The following TBL1X variants were observed in gnomAD, a reference collection of about 807,000 sequenced individuals.
The protein encoded by TBL1X is transducin beta like 1 X-linked.
In TBL1X, 10 loss-of-function variants were observed where a neutral mutation model predicts 50.7. The observed-to-expected ratio is 0.20, with a 90% CI of 0.12 to 0.33. TBL1X has a LOEUF of 0.33. Among genes scored for constraint, TBL1X ranks in the 10% least tolerant of loss-of-function variants. The pLI, the probability that TBL1X is intolerant of heterozygous loss-of-function variation, is 1.00. For synonymous variants in TBL1X, 190 were observed against 214.7 expected (o/e 0.88, Z 1.01); for missense variants, 340 against 504.4 (o/e 0.67, Z 3.12).
chrX:9,637,294 A>C (rs2082752453), intron 2 of TBL1X: 1 of 111,961 alleles, frequency 8.9e-6, no homozygotes, highest in African/African-American at 3.2e-5. Context: ...ACTCCACAGG[A>C]ATCTTTCTGA....
intron 12 of TBL1X, among the ~76,000 whole-genome samples, chrX:9,701,202 T>C (rs1281759076): frequency 9.0e-6 from 1 of 111,236 alleles, no homozygotes; most frequent in Admixed American, 9.6e-5. Context: ...AGAACCTGGG[T>C]GAAGGAGACA....
rs56756151 is a variant in TBL1X, at chrX:9,665,489, C to CTA, written c.211+11216_211+11217dup. ...ACTTAATTAAAAACTGATATTCAAG[C>CTA]TATATATATATATATATATATATAT... On this transcript the variant is annotated intron_variant, in intron 5 of 17. Coordinates refer to ENST00000645353, the MANE Select transcript of TBL1X (RefSeq NM_005647.4). 8.1e-3 allele frequency among the ~76,000 whole-genome samples: 160 copies of CTA among 19,762 alleles called. 8 individuals are homozygous for CTA. The highest frequency in any genetic ancestry group is 9.8e-3 in the Non-Finnish European group (118 of 12,062). The allele number at this position is 19,762 out of a possible 115,157, so 17.2% of individuals were successfully genotyped here. A position where few individuals can be genotyped will look rare whatever the true frequency, so the allele number is the denominator to read the frequency against.
Position 9,718,612 on chromosome X carries a change from C to T in TBL1X, c.*2366C>T, listed in dbSNP as rs1450971770. 1 of 111,959 alleles carries T rather than the reference C, an allele frequency of 8.9e-6. No individual in the cohort carries two copies. The highest frequency in any genetic ancestry group is 1.9e-5 in the Non-Finnish European group (1 of 53,223). The allele number at this position is 111,959 out of a possible 1,213,427, so 9.2% of individuals were successfully genotyped here. ...AAATGCACTCATCTCTGTAGAACAT[C>T]TGCTGTCAAAGGCCAGCCTGTCGTT... On this transcript the variant is annotated 3_prime_UTR_variant, in exon 18 of 18. Coordinates refer to ENST00000645353, the MANE Select transcript of TBL1X (RefSeq NM_005647.4).
At chrX:9,665,690 C>T (rs776758762) in intron 5 of TBL1X, among the ~76,000 whole-genome samples, 2 of 102,077 alleles carry the variant, frequency 2.0e-5, no homozygotes, top group East Asian at 6.4e-4. Flanking sequence ...TCTGACAGCC[C>T]GGGACTCCTT....
intron 2 of TBL1X, among the ~76,000 whole-genome samples, chrX:9,544,656 G>A (rs1163098381): frequency 8.9e-6 from 1 of 111,787 alleles, no homozygotes; most frequent in Non-Finnish European, 1.9e-5. Context: ...TACGCCTCCC[G>A]AGTTCAAGCG....
intron 2 of TBL1X, among the ~76,000 whole-genome samples, chrX:9,529,945 A>G: frequency 9.0e-6 from 1 of 110,702 alleles, no homozygotes; most frequent in South Asian, 3.9e-4. Context: ...CAAAGAAAGA[A>G]AGAGAGAGAT....
At chrX:9,532,432 C>T (rs2082166887) in intron 2 of TBL1X, among the ~76,000 whole-genome samples, 2 of 111,718 alleles carry the variant, frequency 1.8e-5, no homozygotes, top group African/African-American at 6.5e-5. Flanking sequence ...TGGGACGTAG[C>T]GGTTAGGGGG....
intron 2 of TBL1X, among the ~76,000 whole-genome samples, chrX:9,629,607 C>T (rs746125464): frequency 2.7e-5 from 3 of 112,089 alleles, no homozygotes; most frequent in Non-Finnish European, 5.6e-5. Context: ...ATGCATGTAA[C>T]GTGTACCAGA....
At chrX:9,610,400 C>A (rs762644936) in intron 2 of TBL1X, among the ~76,000 whole-genome samples, 1 of 112,587 alleles carries the variant, frequency 8.9e-6, no homozygotes, top group Non-Finnish European at 1.9e-5. Context: ...TTCTACTTGT[C>A]ATTAGCCAAA....
chrX:9,653,743 G>T, intron 4 of TBL1X, 54 bp downstream of exon 4: 1 of 1,067,177 alleles, frequency 9.4e-7, no homozygotes, highest in Non-Finnish European at 1.3e-6. Flanking sequence ...TGGGGGTGTT[G>T]ACATGGCCGC....
intron 5 of TBL1X, among the ~76,000 whole-genome samples, chrX:9,674,026 C>T (rs2082976014): frequency 8.9e-6 from 1 of 111,812 alleles, no homozygotes; most frequent in Non-Finnish European, 1.9e-5. Flanking sequence ...AGATCGTGCA[C>T]TTGCACTCCA....
At chrX:9,473,492 C>T (rs1407529721) in intron 1 of TBL1X, among the ~76,000 whole-genome samples, 1 of 111,797 alleles carries the variant, frequency 8.9e-6, no homozygotes, top group Non-Finnish European at 1.9e-5. Context: ...TAGGTTTGTT[C>T]TTGTCCGATG....
At chrX:9,528,563 C>A (rs1431430351) in intron 2 of TBL1X, among the ~76,000 whole-genome samples, 1 of 109,949 alleles carries the variant, frequency 9.1e-6, no homozygotes, top group Non-Finnish European at 1.9e-5. Flanking sequence ...AGCCTCTTTG[C>A]CTAGTTCCCA....
chrX:9,585,086 T>A (rs1451093595), intron 2 of TBL1X, among the ~76,000 whole-genome samples: 1 of 111,901 alleles, frequency 8.9e-6, no homozygotes, highest in Non-Finnish European at 1.9e-5. Context: ...AGGGACCATT[T>A]AAAAATTTCC....
chrX:9,666,187 T>A lies in TBL1X; in HGVS notation c.211+11865T>A, dbSNP rs145507794. 7.8e-3 allele frequency among the ~76,000 whole-genome samples: 874 copies of A among 112,075 alleles called. 9 individuals carry two copies. Among genetic ancestry groups the A allele is most frequent in the African/African-American group, 0.027 (821 of 30,820 alleles). ...AATGGGACCCTTAATTTGGGGGATC[T>A]GTTTTTGCCTTCCAGCTATGCCTGC... On this transcript the variant is annotated intron_variant, in intron 5 of 17. Transcript: ENST00000645353.
At position 9,691,588 on chromosome X, in the gene TBL1X, C is replaced by T. The variant is rs2083098231; in HGVS notation, c.626C>T (p.Ala209Val). 1.8e-5 allele frequency: 22 copies of T among 1,210,374 alleles called. No homozygotes were observed. Among genetic ancestry groups the T allele is most frequent in the Non-Finnish European group, 2.3e-5 (21 of 894,920 alleles). Residue 209 changes from alanine (A) to valine (V), a missense_variant, in exon 8 of 18, where the codon GCG becomes GTG. Physicochemically the swap from Ala to Val is moderately conservative, Grantham distance 64. Coordinates refer to ENST00000645353, the MANE Select transcript of TBL1X (RefSeq NM_005647.4). ...ENRAHSVNNH[A>V]KPMEIDGEVE... ...GTGTTTGCTGTGACAGATAATCACG[C>T]GAAGCCAATGGAAATAGATGGAGAG...
rs776450364 is a variant in TBL1X at position 9,576,122 on chromosome X, C to T, written c.-130-64151C>T. ...GCTTTTAAGTATGTTTTGATATTCC[C>T]CCCCCTCCTCCCAAAGTGTAGCATG... On this transcript the variant is annotated intron_variant, in intron 2 of 17. Transcript: ENST00000645353. 1.6e-3 allele frequency among the ~76,000 whole-genome samples: 177 copies of T among 111,958 alleles called. 1 individual carries two copies. Among genetic ancestry groups the T allele is most frequent in the South Asian group, 3.3e-3 (9 of 2,694 alleles).
chrX:9,592,852 G>A (rs1419388218), intron 2 of TBL1X, among the ~76,000 whole-genome samples: 6 of 112,286 alleles, frequency 5.3e-5, no homozygotes, highest in Admixed American at 9.4e-5. Flanking sequence ...TCACTCACAC[G>A]CACACACGTA....
chrX:9,679,490 C>T (rs778563828), intron 5 of TBL1X, among the ~76,000 whole-genome samples: 1 of 111,975 alleles, frequency 8.9e-6, no homozygotes, highest in African/African-American at 3.2e-5. Flanking sequence ...GGCTAGCCTA[C>T]TGGTGACACC....
Sources: allele counts gnomAD v4.1 joint callset (sites outside exome capture counted in the v4.1 genomes callset), GRCh38; gene constraint gnomAD v4.1.1; transcripts MANE v1.5; gene names NCBI Gene and HGNC (gene_info 2026-07-23, HGNC 2026-07-21).